Variants in TOX2 observed in about 807,000 individuals in gnomAD.
TOX2 encodes granulosa cell HMG box 1.
A neutral mutation model predicts 47.4 loss-of-function variants in TOX2; 15 were observed. That is an observed-to-expected ratio of 0.32 (90% CI 0.21 to 0.49). TOX2 has a LOEUF of 0.49. Ranked by LOEUF, TOX2 falls within the 20% of genes least tolerant of loss-of-function variation. The pLI is 0.99. For synonymous variants in TOX2, 290 were observed against 296.6 expected, an observed-to-expected ratio of 0.98 and a Z score of 0.23; for missense variants, 622 against 673.1, an observed-to-expected ratio of 0.92 and a Z score of 0.84.
rs542378371 is a variant in TOX2, at chr20:43,965,248, G to A, written c.100-8119G>A. On this transcript the variant is annotated intron_variant, in intron 1 of 8. Transcript: ENST00000341197. The stretch of plus-strand genomic sequence containing the variant: ...TATTGATTGACTGACTTTCAGAGGT[G>A]GGGCTGTAAAGCTCCCAGTGACAAA... Among the ~76,000 whole-genome samples, 11 of 152,288 alleles carry A rather than the reference G, an allele frequency of 7.2e-5. No homozygotes were observed. The East Asian group carries it at 1.9e-3, about 27-fold the overall frequency.
intron 2 of TOX2, among the ~76,000 whole-genome samples, chr20:44,005,768 C>G (rs1264165693): frequency 6.6e-6 from 1 of 152,114 alleles, no homozygotes; most frequent in African/African-American, 2.4e-5. Flanking sequence ...ACACTTTGAC[C>G]CACCAGGAGG....
At chr20:43,945,886 G>A (rs2069460891) in intron 1 of TOX2, 2 of 1,608,586 alleles carry the variant, frequency 1.2e-6, no homozygotes, top group Admixed American at 1.7e-5. Flanking sequence ...GCTATTTCTG[G>A]CATTTTTTCC....
intron 1 of TOX2, among the ~76,000 whole-genome samples, chr20:43,966,261 C>CA (rs771823061): frequency 2.0e-5 from 3 of 152,154 alleles, no homozygotes; most frequent in African/African-American, 4.8e-5. Flanking sequence ...TGTTACACTG[C>CA]ACATAGGAGT....
intron 1 of TOX2, among the ~76,000 whole-genome samples, chr20:43,962,679 T>C (rs1411186848): frequency 1.3e-5 from 2 of 152,144 alleles, no homozygotes; most frequent in Non-Finnish European, 2.9e-5. Context: ...GCAAACCCCA[T>C]TTCTCCCATA....
intron 1 of TOX2, among the ~76,000 whole-genome samples, chr20:43,957,602 T>C (rs2069690411): frequency 2.0e-5 from 3 of 149,288 alleles, no homozygotes; most frequent in Non-Finnish European, 4.4e-5. Flanking sequence ...TAAACAAATA[T>C]TTATTTTCTC....
chr20:44,020,753 C>G (rs1333534694), intron 3 of TOX2, among the ~76,000 whole-genome samples: 3 of 152,220 alleles, frequency 2.0e-5, no homozygotes, highest in Admixed American at 6.5e-5. Flanking sequence ...GCTTCTAATG[C>G]CAGCCCAGAA....
Position 43,915,871 on chromosome 20 carries a change from A to G in TOX2, c.99+881A>G, listed in dbSNP as rs1037831940. On this transcript the variant is annotated intron_variant, in intron 1 of 8. Transcript: ENST00000341197. The surrounding 1 kb of genome is among the most constrained non-coding windows in gnomAD (Gnocchi z 7.1). ...TTTCCAGGATCTATCCCCCCACCCC[A>G]GCCAGGTCCCAGCTGCGCTGCGCCG... Among the ~76,000 whole-genome samples, 3 of 152,140 alleles carry G rather than the reference A, an allele frequency of 2.0e-5. No homozygotes were observed. Among genetic ancestry groups the G allele is most frequent in the African/African-American group, 7.2e-5 (3 of 41,422 alleles).
chr20:44,069,042 A>C lies in TOX2; in HGVS notation c.*356A>C. 1 of 418,188 alleles carries C rather than the reference A, an allele frequency of 2.4e-6. No individual in the cohort carries two copies. Among genetic ancestry groups the C allele is most frequent in the Non-Finnish European group, 4.6e-6 (1 of 215,502 alleles). 25.9% of individuals were successfully genotyped at this position (418,188 alleles called of 1,614,324 possible). A position where few individuals can be genotyped will look rare whatever the true frequency, so the allele number is the denominator to read the frequency against. ...CCGCCCCTGGCGGGGTCGCTTACCAACGGACACCCACCCCAGATGCATGGG... is the reference window on the plus strand; with the variant it reads ...CCGCCCCTGGCGGGGTCGCTTACCACCGGACACCCACCCCAGATGCATGGG... On this transcript the variant is annotated 3_prime_UTR_variant, in exon 9 of 9. Coordinates refer to ENST00000341197, the MANE Select transcript of TOX2 (RefSeq NM_001098797.2).
intron 3 of TOX2, among the ~76,000 whole-genome samples, chr20:44,032,868 G>T (rs1006379631): frequency 2.0e-5 from 3 of 152,184 alleles, no homozygotes; most frequent in African/African-American, 7.2e-5. Flanking sequence ...CTTCTCTGCC[G>T]GCGGCTTCAT....
At chr20:43,965,925 T>A (rs1281922991) in intron 1 of TOX2, among the ~76,000 whole-genome samples, 2 of 152,180 alleles carry the variant, frequency 1.3e-5, no homozygotes, top group Admixed American at 6.5e-5. Context: ...ATGGCTTCAA[T>A]TCCTCAGTGA....
intron 1 of TOX2, among the ~76,000 whole-genome samples, chr20:43,943,351 G>A (rs2069424838): frequency 6.6e-6 from 1 of 152,160 alleles, no homozygotes; most frequent in East Asian, 1.9e-4. Flanking sequence ...AGAATGCAGG[G>A]GCTTTCTGTG....
intron 1 of TOX2, among the ~76,000 whole-genome samples, chr20:43,953,646 T>C (rs909835407): frequency 2.0e-5 from 3 of 152,098 alleles, no homozygotes; most frequent in African/African-American, 7.2e-5. Context: ...AGTGGCTCAG[T>C]TGGCGGGAGA....
chr20:43,984,705 T>G (rs558128250), intron 2 of TOX2, among the ~76,000 whole-genome samples: 1 of 152,286 alleles, frequency 6.6e-6, no homozygotes, highest in African/African-American at 2.4e-5. Context: ...TTTCATACAA[T>G]GCAGTGAATG....
intron 2 of TOX2, among the ~76,000 whole-genome samples, chr20:43,995,231 G>A (rs748582333): frequency 2.7e-4 from 41 of 152,180 alleles, no homozygotes; most frequent in East Asian, 9.7e-4. Flanking sequence ...GGTGAGACTC[G>A]AATCAGAAAG....
At chr20:43,990,244 A>G (rs566296857) in intron 2 of TOX2, among the ~76,000 whole-genome samples, 1 of 152,396 alleles carries the variant, frequency 6.6e-6, no homozygotes, top group South Asian at 2.1e-4. Context: ...ATAGAAAAGC[A>G]GGTCAGAACA....
chr20:43,976,805 T>TACAC, intron 2 of TOX2, among the ~76,000 whole-genome samples: 1 of 127,982 alleles, frequency 7.8e-6, no homozygotes, highest in South Asian at 2.5e-4. Context: ...CACACACACA[T>TACAC]ACACACATAC....
At position 43,995,261 on chromosome 20, in the gene TOX2, G is replaced by T. The variant is rs774062248; in HGVS notation, c.166-11286G>T. 9.2e-5 allele frequency among the ~76,000 whole-genome samples: 14 copies of T among 152,066 alleles called. 1 individual carries two copies. Among genetic ancestry groups the T allele is most frequent in the Non-Finnish European group, 2.1e-4 (14 of 68,026 alleles). On this transcript the variant is annotated intron_variant, in intron 2 of 8. Transcript: ENST00000341197. The stretch of plus-strand genomic sequence containing the variant: ...AGAAAGATTCTATTAAACATGTCTG[G>T]GGTGGGTGACATAGGGGTATTATCT...
intron 3 of TOX2, among the ~76,000 whole-genome samples, chr20:44,025,707 T>C (rs6031301): frequency 0.72 from 109,016 of 150,738 alleles, 39,591 homozygotes; most frequent in East Asian, 0.78. Flanking sequence ...CTTCCCCCAC[T>C]CTCAGAAAGA....
intron 1 of TOX2, among the ~76,000 whole-genome samples, chr20:43,928,981 G>GAAAAAAAAAAAAAAAAAAAAA (rs575418660): frequency 1.0e-4 from 9 of 86,142 alleles, no homozygotes; most frequent in African/African-American, 3.5e-4. Flanking sequence ...CTAAAAATAT[G>GAAAAAAAAAAAAAAAAAAAAA]AAAAAAAAAA....
Sources: allele counts gnomAD v4.1 joint callset (sites outside exome capture counted in the v4.1 genomes callset), GRCh38; gene constraint gnomAD v4.1.1; non-coding constraint Gnocchi (gnomAD v3.1); transcripts MANE v1.5; gene names NCBI Gene and HGNC (gene_info 2026-07-23, HGNC 2026-07-21).